Variants in GABBR1 observed in about 807,000 individuals in gnomAD.
GABBR1 encodes gamma-aminobutyric acid type B receptor subunit 1.
In GABBR1, 35 loss-of-function variants were observed where a neutral mutation model predicts 117.7. That is an observed-to-expected ratio of 0.30 (90% CI 0.23 to 0.39). GABBR1 has a LOEUF of 0.39. GABBR1 is among the 10% of genes least tolerant of loss of function. GABBR1 has a pLI of 1.00. For synonymous variants in GABBR1, 442 were observed against 486.6 expected (o/e 0.91, Z 1.21); for missense variants, 709 against 1,241.8 (o/e 0.57, Z 6.45).
Position 29,610,937 on chromosome 6 carries a change from T to C in GABBR1, c.1695A>G (p.Thr565=), listed in dbSNP as rs780736112. 2 of 1,612,848 alleles carry C rather than the reference T, an allele frequency of 1.2e-6. No homozygotes were observed. Among genetic ancestry groups the C allele is most frequent in the Admixed American group, 1.7e-5 (1 of 60,022 alleles). ...AGATCCACTCACCAATCCATTTATCTGTTTTGGACCAGGAAAGATCATCCT... is the reference window on the plus strand; with the variant it reads ...AGATCCACTCACCAATCCATTTATCCGTTTTGGACCAGGAAAGATCATCCT... The part of the protein sequence containing the change: ...STKDDLSWSK[T]DKWIGGSPPA... The change falls in exon 14 of 23, where the codon ACA becomes ACG. Residue 565 remains threonine, a synonymous_variant. Transcript: ENST00000377034.
In GABBR1 at chr6:29,613,333, A is replaced by G. The variant is rs17854217; in HGVS notation, c.1476T>C (p.Gly492=). ...TGTAGTTGAAGTCCTCCAGGCGCAC[A>G]CCAGAACGGCCGCCTCCTCCAGATG... ...NKTSGGGGRS[G]VRLEDFNYNN... is the part of the protein sequence containing the mutation. Residue 492 remains glycine (G), a synonymous_variant, in exon 12 of 23, where the codon GGT becomes GGC. Coordinates refer to ENST00000377034, the MANE Select transcript of GABBR1 (RefSeq NM_001470.4). This position sits in a 1 kb window ranked among gnomAD's most constrained non-coding sequence, Gnocchi z 4.1. 0.099 allele frequency: 159,776 copies of G among 1,612,844 alleles called. 8,524 individuals carry two copies. Among genetic ancestry groups the G allele is most frequent in the Middle Eastern group, 0.17 (1,004 of 6,062 alleles).
Position 29,613,109 on chromosome 6 carries a change from C to G in GABBR1, c.1566+134G>C. Reference sequence around the variant, plus strand: ...GGTTCTTCTAATTTGAAGGTCCCTACTTCTCTGGTCGGAGACTGATTCTGC... The same window carrying G: ...GGTTCTTCTAATTTGAAGGTCCCTAGTTCTCTGGTCGGAGACTGATTCTGC... On this transcript the variant is annotated intron_variant, in intron 12 of 22. Transcript: ENST00000377034. This position sits in a 1 kb window ranked among gnomAD's most constrained non-coding sequence, Gnocchi z 4.1. The G allele has an allele frequency of 3.1e-6, 3 of 981,496 alleles. No homozygotes were observed. The highest frequency in any genetic ancestry group is 3.2e-5 in the South Asian group (2 of 61,830). The allele number at this position is 981,496 out of a possible 1,614,324, so 60.8% of individuals were successfully genotyped here.
Position 29,622,013 on chromosome 6 carries a change from C to A in GABBR1, c.1065+91G>T. 2 of 1,223,256 alleles carry A rather than the reference C, an allele frequency of 1.6e-6. No homozygotes were observed. Among genetic ancestry groups the A allele is most frequent in the Non-Finnish European group, 1.2e-6 (1 of 838,380 alleles). The allele number at this position is 1,223,256 out of a possible 1,614,324, so 75.8% of individuals were successfully genotyped here. On this transcript the variant is annotated intron_variant, in intron 9 of 22. Coordinates refer to ENST00000377034, the MANE Select transcript of GABBR1 (RefSeq NM_001470.4). This position sits in a 1 kb window ranked among gnomAD's most constrained non-coding sequence, Gnocchi z 4.6. ...ATGCTATTGCCTCAGAGAATCAAAA[C>A]CTGCCCCCGCCTGGCTTTCCTCTCC...
Position 29,632,679 on chromosome 6 carries a change from T to A in GABBR1, c.-1+171A>T. On this transcript the variant is annotated intron_variant, in intron 1 of 22. Coordinates refer to ENST00000377034, the MANE Select transcript of GABBR1 (RefSeq NM_001470.4). This position sits in a 1 kb window ranked among gnomAD's most constrained non-coding sequence, Gnocchi z 5.8. Reference sequence around the variant, plus strand: ...CCCCGCGGCTCGCAGAAGCCTGGCTTACCCACGCTCCCGGCATCGGCCGCC... The same window carrying A: ...CCCCGCGGCTCGCAGAAGCCTGGCTAACCCACGCTCCCGGCATCGGCCGCC... 1.4e-6 allele frequency: 2 copies of A among 1,431,468 alleles called. No individual in the cohort carries two copies. The highest frequency in any genetic ancestry group is 1.8e-6 in the Non-Finnish European group (2 of 1,088,418). 88.7% of individuals were successfully genotyped at this position (1,431,468 alleles called of 1,614,324 possible).
At position 29,606,107 on chromosome 6, in the gene GABBR1, A is replaced by C; in HGVS notation, c.2311+284T>G. On this transcript the variant is annotated intron_variant, in intron 19 of 22. Transcript: ENST00000377034. This position sits in a 1 kb window ranked among gnomAD's most constrained non-coding sequence, Gnocchi z 4.5. ...AAGGCCAAGGGGGATCTAAAAGATA[A>C]TGTCAAGTCTGGAGGTGGGGTTACC... 1.8e-6 allele frequency: 1 copy of C among 549,334 alleles called. No individual in the cohort carries two copies. The highest frequency in any genetic ancestry group is 2.6e-5 in the South Asian group (1 of 37,818). The allele number at this position is 549,334 out of a possible 1,614,324, so 34.0% of individuals were successfully genotyped here.
chr6:29,621,082 C>A lies in GABBR1; in HGVS notation c.1323+19G>T. On this transcript the variant is annotated intron_variant, in intron 11 of 22. Coordinates refer to ENST00000377034, the MANE Select transcript of GABBR1 (RefSeq NM_001470.4). The surrounding 1 kb of genome is among the most constrained non-coding windows in gnomAD (Gnocchi z 5.0). ...CTCCACCCTCCCAGGTGCCAGACTG[C>A]AAGTCCCCACACTCTCACCATGTTG... The A allele has an allele frequency of 1.2e-6, 2 of 1,605,662 alleles. No individual in the cohort carries two copies. Among genetic ancestry groups the A allele is most frequent in the Non-Finnish European group, 1.7e-6 (2 of 1,176,398 alleles).
At position 29,613,381 on chromosome 6, in the gene GABBR1, G is replaced by A; in HGVS notation, c.1428C>T (p.Ala476=). ...ATGTCTTGTTCAGGGCCAGTGCCAA[G>A]GCCCAGATGGCATCATAGGCCAGCG... The part of the protein sequence containing the change: ...EAPLAYDAIW[A]LALALNKTSG... Residue 476 remains alanine, a synonymous_variant, in exon 12 of 23, where the codon GCC becomes GCT. Transcript: ENST00000377034. This position sits in a 1 kb window ranked among gnomAD's most constrained non-coding sequence, Gnocchi z 4.1. The A allele has an allele frequency of 1.9e-6, 3 of 1,613,106 alleles. No homozygotes were observed. The highest frequency in any genetic ancestry group is 2.2e-5 in the South Asian group (2 of 91,090).
chr6:29,621,921 G>T lies in GABBR1; in HGVS notation c.1066-104C>A. The T allele has an allele frequency of 8.4e-7, 1 of 1,195,586 alleles. No homozygotes were observed. Among genetic ancestry groups the T allele is most frequent in the Non-Finnish European group, 1.2e-6 (1 of 812,350 alleles). The allele number at this position is 1,195,586 out of a possible 1,614,324, so 74.1% of individuals were successfully genotyped here. ...GATTTCCCATCCCAAAGTGCTTAGTGCAGGGTAACGCTCAACGTATAGTGA... is the reference window on the plus strand; with the variant it reads ...GATTTCCCATCCCAAAGTGCTTAGTTCAGGGTAACGCTCAACGTATAGTGA... On this transcript the variant is annotated intron_variant, in intron 9 of 22. Coordinates refer to ENST00000377034, the MANE Select transcript of GABBR1 (RefSeq NM_001470.4). The surrounding 1 kb of genome is among the most constrained non-coding windows in gnomAD (Gnocchi z 5.0).
Position 29,627,846 on chromosome 6 carries a change from T to C in GABBR1, c.497-200A>G, listed in dbSNP as rs1479771945. ...AGCGTTAGGAGCTCAGGGGGGACAC[T>C]TTTCCTGGGGAGGGCTGCTAAGAGG... On this transcript the variant is annotated intron_variant, in intron 5 of 22. Coordinates refer to ENST00000377034, the MANE Select transcript of GABBR1 (RefSeq NM_001470.4). This position sits in a 1 kb window ranked among gnomAD's most constrained non-coding sequence, Gnocchi z 4.4. 2.2e-6 allele frequency: 3 copies of C among 1,392,966 alleles called. No individual in the cohort carries two copies. In the East Asian group the frequency reaches 8.6e-5, roughly 40 times the overall value. 86.3% of individuals were successfully genotyped at this position (1,392,966 alleles called of 1,614,324 possible).
intron 11 of GABBR1, among the ~76,000 whole-genome samples, chr6:29,617,724 T>C (rs1416916563): frequency 6.6e-6 from 1 of 152,226 alleles, no homozygotes; most frequent in African/African-American, 2.4e-5. Context: ...TAAATGAGAC[T>C]GAAGCCTTGG....
chr6:29,628,892 G>T (rs936628283), intron 5 of GABBR1, among the ~76,000 whole-genome samples, 195 bp downstream of exon 5: 1 of 151,504 alleles, frequency 6.6e-6, no homozygotes, highest in Non-Finnish European at 1.5e-5. Context: ...AGGAGAGACC[G>T]CAGCCTCGTG....
chr6:29,623,845 C>T lies in GABBR1; in HGVS notation c.792+45G>A. On this transcript the variant is annotated intron_variant, in intron 7 of 22. Transcript: ENST00000377034. The surrounding 1 kb of genome is among the most constrained non-coding windows in gnomAD (Gnocchi z 6.2). ...TCGCCATCGTCCCTTCAGTAGAGCTCAAAAGGGAATGACCCCATCTTCTGA... is the reference window on the plus strand; with the variant it reads ...TCGCCATCGTCCCTTCAGTAGAGCTTAAAAGGGAATGACCCCATCTTCTGA... 6.3e-7 allele frequency: 1 copy of T among 1,596,162 alleles called. No individual in the cohort carries two copies. The highest frequency in any genetic ancestry group is 2.2e-5 in the East Asian group (1 of 44,698).
rs779187391 is a variant in GABBR1, at chr6:29,630,667, AAG to A, written c.290-26_290-25del. Reference sequence around the variant, plus strand: ...GACTGTGGAGAGATAGGAAAATAAGAAGAGAGGCGAGTTGAAGAAGGCTCTTT... The same window carrying A: ...GACTGTGGAGAGATAGGAAAATAAGAAGAGGCGAGTTGAAGAAGGCTCTTT... On this transcript the variant is annotated intron_variant, in intron 3 of 22. Transcript: ENST00000377034. This position sits in a 1 kb window ranked among gnomAD's most constrained non-coding sequence, Gnocchi z 4.9. The A allele has an allele frequency of 6.3e-7, 1 of 1,589,086 alleles. No homozygotes were observed. The highest frequency in any genetic ancestry group is 8.6e-7 in the Non-Finnish European group (1 of 1,160,566).
In GABBR1 at chr6:29,630,503, T is replaced by A; in HGVS notation, c.430A>T (p.Ile144Phe). Residue 144 changes from isoleucine to phenylalanine, a missense_variant, in exon 4 of 23, where the codon ATC (isoleucine) becomes TTC (phenylalanine). By Grantham distance (21) the Ile-to-Phe change is conservative. Transcript: ENST00000377034. The surrounding 1 kb of genome is among the most constrained non-coding windows in gnomAD (Gnocchi z 4.9). ...DFHLVGSSRS[I>F]CSQGQWSTPK... ...GTGCTCCACTGGCCCTGACTACAGA[T>A]GCTCCGGGAGCTGCCCACCAGATGG... 6.2e-7 allele frequency: 1 copy of A among 1,613,070 alleles called. No homozygotes were observed. The highest frequency in any genetic ancestry group is 1.1e-5 in the South Asian group (1 of 91,082).
intron 11 of GABBR1, among the ~76,000 whole-genome samples, chr6:29,619,715 G>A (rs114375331): frequency 4.1e-3 from 621 of 152,012 alleles, no homozygotes; most frequent in Middle Eastern, 0.01. Context: ...AGCAACGATT[G>A]GCAAGTCCTG....
chr6:29,629,394 C>T, intron 4 of GABBR1: 1 of 597,572 alleles, frequency 1.7e-6, no homozygotes, highest in Non-Finnish European at 3.0e-6. Flanking sequence ...CTGAATATTA[C>T]AAAATTGGGA....
intron 5 of GABBR1, among the ~76,000 whole-genome samples, chr6:29,628,825 G>A (rs1764646352): frequency 6.6e-6 from 1 of 152,004 alleles, no homozygotes; most frequent in African/African-American, 2.4e-5. Context: ...GCCTGACACC[G>A]GCGAGGCTCA....
intron 5 of GABBR1, chr6:29,628,256 G>A: frequency 3.4e-6 from 3 of 890,892 alleles, no homozygotes; most frequent in Non-Finnish European, 4.0e-6. Context: ...TCTCACTTAA[G>A]GGGACCCGAG....
At chr6:29,626,506 GA>G (rs955684709) in intron 6 of GABBR1, among the ~76,000 whole-genome samples, 21 of 151,236 alleles carry the variant, frequency 1.4e-4, no homozygotes, top group East Asian at 7.8e-4. Flanking sequence ...AGAGGGGTGG[GA>G]AAAAAAACCT....
Sources: allele counts gnomAD v4.1 joint callset (sites outside exome capture counted in the v4.1 genomes callset), GRCh38; gene constraint gnomAD v4.1.1; non-coding constraint Gnocchi (gnomAD v3.1); transcripts MANE v1.5; gene names NCBI Gene and HGNC (gene_info 2026-07-23, HGNC 2026-07-21).